The following DYNC2H1 variants were observed in gnomAD, a reference collection of about 807,000 sequenced individuals.
DYNC2H1 encodes dynein cytoplasmic 2 heavy chain 1.
Under a neutral mutation model 570.0 loss-of-function variants are expected in DYNC2H1, and 410 were observed. The observed-to-expected ratio is 0.72, with a 90% CI of 0.66 to 0.78. The LOEUF is 0.78. Among genes scored for constraint, DYNC2H1 ranks in the 30% least tolerant of loss-of-function variants. The pLI is 0.00. For synonymous variants in DYNC2H1, 1,688 were observed against 1,677.6 expected, an observed-to-expected ratio of 1.01 and a Z score of -0.15; for missense variants, 4,865 against 5,046.4, an observed-to-expected ratio of 0.96 and a Z score of 1.09.
intron 82 of DYNC2H1, among the ~76,000 whole-genome samples, chr11:103,356,904 G>A (rs1940372488): frequency 6.6e-6 from 1 of 152,146 alleles, no homozygotes; most frequent in East Asian, 1.9e-4. Context: ...GTTACAAAAG[G>A]AAAAACAAAT....
At position 103,261,523 on chromosome 11, in the gene DYNC2H1, C is replaced by T. The variant is rs1383675629; in HGVS notation, c.10695+1546C>T. Among the ~76,000 whole-genome samples the T allele has an allele frequency of 6.6e-6, 1 of 152,208 alleles. No individual in the cohort carries two copies. Among genetic ancestry groups the T allele is most frequent in the Non-Finnish European group, 1.5e-5 (1 of 68,042 alleles). ...AGAACAGGCAGCAATCTTTGCTGTT[C>T]TGCAGACTCTGCTGGTGATACCCAG... On this transcript the variant is annotated intron_variant, in intron 70 of 88. Transcript: ENST00000375735. The surrounding 1 kb of genome is among the most constrained non-coding windows in gnomAD (Gnocchi z 4.8).
intron 84 of DYNC2H1, among the ~76,000 whole-genome samples, chr11:103,424,501 C>T (rs1327928740): frequency 6.6e-6 from 1 of 152,046 alleles, no homozygotes; most frequent in Non-Finnish European, 1.5e-5. Flanking sequence ...CATACAAATA[C>T]TTATTTGTGA....
At chr11:103,386,686 T>C (rs1941889833) in intron 83 of DYNC2H1, among the ~76,000 whole-genome samples, 1 of 152,116 alleles carries the variant, frequency 6.6e-6, no homozygotes, top group Admixed American at 6.5e-5. Context: ...GTGTGTGATG[T>C]TCCCCTTCCT....
intron 79 of DYNC2H1, among the ~76,000 whole-genome samples, chr11:103,313,405 T>C (rs1022665177): frequency 7.2e-5 from 11 of 152,218 alleles, no homozygotes; most frequent in African/African-American, 2.7e-4. Context: ...CAAATGCTTC[T>C]CTCAGCTGTA....
chr11:103,308,862 A>G lies in DYNC2H1; in HGVS notation c.11493+1031A>G, dbSNP rs551025255. Among the ~76,000 whole-genome samples the G allele has an allele frequency of 3.9e-5, 6 of 152,180 alleles. No individual in the cohort carries two copies. The South Asian group carries it at 1.2e-3, about 32-fold the overall frequency. On this transcript the variant is annotated intron_variant, in intron 78 of 88. Transcript: ENST00000375735. The stretch of plus-strand genomic sequence containing the variant: ...AATTTTTTGCTGTTGAGTTGTATTA[A>G]TAGTTCATTATATATTCTGGATACT...
chr11:103,156,747 C>T lies in DYNC2H1; in HGVS notation c.4104C>T (p.Phe1368=). 1.9e-6 allele frequency: 3 copies of T among 1,610,476 alleles called. No individual in the cohort carries two copies. The highest frequency in any genetic ancestry group is 2.5e-6 in the Non-Finnish European group (3 of 1,179,064). ...CATTGCCAAAAGAACAGACACGCTT[C>T]AACAGAGTTGATGAAGATTTTAGGT... ...RGALPKEQTR[F]NRVDEDFRSI... Residue 1368 remains phenylalanine, a synonymous_variant, in exon 26 of 89, where the codon TTC becomes TTT. Transcript: ENST00000375735.
chr11:103,438,126 A>G (rs1395157110), intron 85 of DYNC2H1, among the ~76,000 whole-genome samples: 2 of 152,078 alleles, frequency 1.3e-5, no homozygotes, highest in Non-Finnish European at 2.9e-5. Flanking sequence ...CTTACCTTTC[A>G]TCCTTCCAAC....
At chr11:103,309,139 CATTTT>C in intron 78 of DYNC2H1, among the ~76,000 whole-genome samples, 2 of 132,724 alleles carry the variant, frequency 1.5e-5, no homozygotes, top group South Asian at 5.0e-4. Context: ...TTAAAACTGT[CATTTT>C]ATTAGTGTTT....
At chr11:103,173,768 G>T (rs1861674560) in intron 35 of DYNC2H1, among the ~76,000 whole-genome samples, 1 of 152,064 alleles carries the variant, frequency 6.6e-6, no homozygotes, top group Non-Finnish European at 1.5e-5. Flanking sequence ...GAGCAAGATG[G>T]ATTGATTAAA....
chr11:103,139,988 T>A (rs1438094998), intron 17 of DYNC2H1, among the ~76,000 whole-genome samples: 1 of 152,336 alleles, frequency 6.6e-6, no homozygotes, highest in East Asian at 1.9e-4. Flanking sequence ...TTTGTCTCTT[T>A]TGATCTTTGT....
At chr11:103,399,291 C>T (rs1483294712) in intron 83 of DYNC2H1, among the ~76,000 whole-genome samples, 1 of 150,852 alleles carries the variant, frequency 6.6e-6, no homozygotes, top group African/African-American at 2.4e-5. Context: ...TACAGGTGCA[C>T]ACCACCATAT....
rs191504521 is a variant in DYNC2H1, at chr11:103,316,051, A to T, written c.11650-494A>T. Among the ~76,000 whole-genome samples the T allele has an allele frequency of 4.6e-5, 7 of 152,162 alleles. No individual in the cohort carries two copies. The East Asian group carries it at 1.3e-3, about 29-fold the overall frequency. On this transcript the variant is annotated intron_variant, in intron 79 of 88. Transcript: ENST00000375735. Reference sequence around the variant, plus strand: ...ACAATATAGAGCTCTATGAATATTCATTTTATACAAACATTGTAGCTATTA... The same window carrying T: ...ACAATATAGAGCTCTATGAATATTCTTTTTATACAAACATTGTAGCTATTA...
chr11:103,394,065 C>A (rs1036197302), intron 83 of DYNC2H1, among the ~76,000 whole-genome samples: 2 of 152,150 alleles, frequency 1.3e-5, no homozygotes, highest in African/African-American at 2.4e-5. Flanking sequence ...TCTCTTTTAG[C>A]CTTGGCTTTA....
intron 59 of DYNC2H1, among the ~76,000 whole-genome samples, chr11:103,225,446 A>T (rs1272241941): frequency 6.6e-6 from 1 of 152,100 alleles, no homozygotes; most frequent in Non-Finnish European, 1.5e-5. Flanking sequence ...AGAGACGAGG[A>T]TCCAGTTTCA....
chr11:103,134,124 G>A (rs1360589175), intron 14 of DYNC2H1, among the ~76,000 whole-genome samples, 197 bp from the exon 15 acceptor site: 2 of 152,100 alleles, frequency 1.3e-5, no homozygotes, highest in African/African-American at 4.8e-5. Flanking sequence ...TTAGATTGGG[G>A]CTATCTTATT....
intron 68 of DYNC2H1, 80 bp from the exon 69 acceptor site, chr11:103,257,528 C>T (rs2135266731): frequency 7.4e-7 from 1 of 1,351,452 alleles, no homozygotes. Context: ...TAGATATGTG[C>T]ATTGTAGTCT....
intron 17 of DYNC2H1, among the ~76,000 whole-genome samples, chr11:103,142,217 G>C (rs1272872418): frequency 6.6e-6 from 1 of 152,232 alleles, no homozygotes; most frequent in African/African-American, 2.4e-5. Context: ...TGCACCCACT[G>C]TCCTGTGCCC....
At position 103,461,856 on chromosome 11, in the gene DYNC2H1, T is replaced by C. The variant is rs142675987; in HGVS notation, c.12648+5500T>C. Among the ~76,000 whole-genome samples the C allele has an allele frequency of 9.9e-4, 151 of 152,284 alleles. No individual in the cohort carries two copies. The highest frequency in any genetic ancestry group is 3.4e-3 in the African/African-American group (141 of 41,562). ...TTTAGAAACATTCCACCTTTTTCTC[T>C]TTTTTCTTGCTAAAACACATTTCAG... On this transcript the variant is annotated intron_variant, in intron 87 of 88. Coordinates refer to ENST00000375735, the MANE Select transcript of DYNC2H1 (RefSeq NM_001377.3). The surrounding 1 kb of genome is among the most constrained non-coding windows in gnomAD (Gnocchi z 4.8).
intron 17 of DYNC2H1, among the ~76,000 whole-genome samples, 188 bp from the exon 18 acceptor site, chr11:103,143,080 T>C (rs147885636): frequency 6.6e-5 from 10 of 152,342 alleles, no homozygotes; most frequent in Admixed American, 1.3e-4. Context: ...TCACTGCATT[T>C]GCATATTAAA....
Sources: allele counts gnomAD v4.1 joint callset (sites outside exome capture counted in the v4.1 genomes callset), GRCh38; gene constraint gnomAD v4.1.1; non-coding constraint Gnocchi (gnomAD v3.1); transcripts MANE v1.5; gene names NCBI Gene and HGNC (gene_info 2026-07-23, HGNC 2026-07-21).